The following TMEM178B variants were observed in gnomAD, a reference collection of about 807,000 sequenced individuals.
TMEM178B encodes transmembrane protein 178B.
Under a neutral mutation model 31.0 loss-of-function variants are expected in TMEM178B, and 5 were observed. The observed-to-expected ratio is 0.16, with a 90% CI of 0.08 to 0.34. The LOEUF (loss-of-function observed/expected upper bound fraction) is 0.34, where lower values mean the gene tolerates loss of function less well. TMEM178B is among the 10% of genes least tolerant of loss of function. The pLI, the probability that TMEM178B is intolerant of heterozygous loss-of-function variation, is 1.00. For synonymous variants in TMEM178B, 164 were observed against 164.0 expected (o/e 1.00, Z 0.00); for missense variants, 275 against 400.3 (o/e 0.69, Z 2.67).
At chr7:141,126,342 G>A (rs1795496636) in intron 1 of TMEM178B, among the ~76,000 whole-genome samples, 1 of 152,146 alleles carries the variant, frequency 6.6e-6, no homozygotes, top group Admixed American at 6.5e-5. Context: ...CAGGAGAGGT[G>A]GGCTGGGACT....
intron 1 of TMEM178B, among the ~76,000 whole-genome samples, chr7:141,138,045 G>A (rs1212332113): frequency 6.6e-6 from 1 of 151,504 alleles, no homozygotes; most frequent in Admixed American, 6.6e-5. Flanking sequence ...ATTTTCATGA[G>A]ATCTCTTTTA....
intron 2 of TMEM178B, among the ~76,000 whole-genome samples, chr7:141,246,314 A>G (rs1040247387): frequency 6.6e-6 from 1 of 152,216 alleles, no homozygotes; most frequent in Non-Finnish European, 1.5e-5. Flanking sequence ...TTACAGAGTA[A>G]TGACCCATTT....
intron 1 of TMEM178B, among the ~76,000 whole-genome samples, chr7:141,141,239 A>T (rs1020574311): frequency 6.6e-6 from 1 of 152,002 alleles, no homozygotes; most frequent in Non-Finnish European, 1.5e-5. Flanking sequence ...GGCCTTTGGT[A>T]GCTCTTCCAG....
chr7:141,197,418 T>A (rs1332681462), intron 1 of TMEM178B, among the ~76,000 whole-genome samples: 1 of 152,234 alleles, frequency 6.6e-6, no homozygotes, highest in Non-Finnish European at 1.5e-5. Flanking sequence ...GTGAATAAGT[T>A]GCTCTTCCTT....
At chr7:141,354,001 T>C (rs1202405273) in intron 2 of TMEM178B, among the ~76,000 whole-genome samples, 2 of 152,174 alleles carry the variant, frequency 1.3e-5, no homozygotes, top group Non-Finnish European at 2.9e-5. Flanking sequence ...TAAACAAGAA[T>C]AAACCTACCC....
intron 2 of TMEM178B, among the ~76,000 whole-genome samples, chr7:141,214,163 A>G (rs1797094641): frequency 6.6e-6 from 1 of 152,242 alleles, no homozygotes; most frequent in Admixed American, 6.5e-5. Flanking sequence ...GTATTGGTCT[A>G]ATATAGTCCC....
chr7:141,395,420 G>A (rs1013626315), intron 2 of TMEM178B, among the ~76,000 whole-genome samples: 1 of 152,162 alleles, frequency 6.6e-6, no homozygotes, highest in Non-Finnish European at 1.5e-5. Flanking sequence ...CAGCCCAAGC[G>A]ACATAGGGAG....
At position 141,375,478 on chromosome 7, in the gene TMEM178B, T is replaced by A. The variant is rs546148274; in HGVS notation, c.497-62130T>A. Among the ~76,000 whole-genome samples the A allele has an allele frequency of 4.6e-5, 7 of 152,354 alleles. No homozygotes were observed. The South Asian group carries it at 1.4e-3, about 32-fold the overall frequency. On this transcript the variant is annotated intron_variant, in intron 2 of 3. Transcript: ENST00000565468. ...CAAATATAGTAGAAACCTTTTATGA[T>A]GCTGATTTTAGCAGACAGGACTAAC... is the stretch of plus-strand genomic sequence containing the variant.
the TMEM178B span, among the ~76,000 whole-genome samples, chr7:141,505,370 T>G: frequency 6.6e-6 from 1 of 152,240 alleles, no homozygotes; most frequent in Admixed American, 6.5e-5. Flanking sequence ...CCATTTATTT[T>G]AATTGTAGGT....
chr7:141,114,571 C>G (rs1447420382), intron 1 of TMEM178B, among the ~76,000 whole-genome samples: 1 of 152,238 alleles, frequency 6.6e-6, no homozygotes, highest in Non-Finnish European at 1.5e-5. Flanking sequence ...TGGTAAAATG[C>G]TCTCTCCTTC....
At chr7:141,169,336 G>A (rs927507766) in intron 1 of TMEM178B, among the ~76,000 whole-genome samples, 1 of 152,146 alleles carries the variant, frequency 6.6e-6, no homozygotes, top group African/African-American at 2.4e-5. Context: ...AAGGATGATG[G>A]CCTCCAGCTC....
intron 2 of TMEM178B, among the ~76,000 whole-genome samples, chr7:141,252,697 G>C (rs1259868248): frequency 6.6e-6 from 1 of 152,152 alleles, no homozygotes; most frequent in African/African-American, 2.4e-5. Flanking sequence ...ACAGCTCCTG[G>C]ATCTACATAA....
intron 1 of TMEM178B, among the ~76,000 whole-genome samples, chr7:141,179,604 T>C (rs538058511): frequency 2.6e-5 from 4 of 152,254 alleles, no homozygotes; most frequent in Admixed American, 1.3e-4. Flanking sequence ...TATTTGAAAA[T>C]ATTTAGAATT....
At chr7:141,383,366 C>A (rs1427240317) in intron 2 of TMEM178B, among the ~76,000 whole-genome samples, 1 of 136,448 alleles carries the variant, frequency 7.3e-6, no homozygotes, top group African/African-American at 2.7e-5. Flanking sequence ...TATCCCTCCC[C>A]CCTCCCTCCA....
Position 141,474,500 on chromosome 7 carries a change from C to T in TMEM178B, c.*3714C>T, listed in dbSNP as rs1802321765. ...TTCCAGCTTCAATCCTCCTCCAAGC[C>T]TTAGCTTTTCAACAACCCTACCCTT... On this transcript the variant is annotated 3_prime_UTR_variant, in exon 4 of 4. Transcript: ENST00000565468. 6.6e-6 allele frequency: 1 copy of T among 152,186 alleles called. No individual in the cohort carries two copies. Among genetic ancestry groups the T allele is most frequent in the Admixed American group, 6.5e-5 (1 of 15,280 alleles). The allele number at this position is 152,186 out of a possible 1,614,324, so 9.4% of individuals were successfully genotyped here. A position where few individuals can be genotyped will look rare whatever the true frequency, so the allele number is the denominator to read the frequency against.
chr7:141,373,333 A>G (rs1243026494), intron 2 of TMEM178B, among the ~76,000 whole-genome samples: 2 of 152,280 alleles, frequency 1.3e-5, no homozygotes, highest in African/African-American at 2.4e-5. Context: ...AACAACAACA[A>G]CAGCAAACAA....
At chr7:141,289,573 G>A (rs557457273) in intron 2 of TMEM178B, among the ~76,000 whole-genome samples, 1 of 152,134 alleles carries the variant, frequency 6.6e-6, no homozygotes, top group South Asian at 2.1e-4. Context: ...AAATTAGCTG[G>A]GCATGATGGC....
intron 2 of TMEM178B, among the ~76,000 whole-genome samples, chr7:141,381,813 T>A (rs991630399): frequency 2.0e-5 from 3 of 152,218 alleles, no homozygotes; most frequent in African/African-American, 7.2e-5. Flanking sequence ...TGAGGGGCAC[T>A]GAATGTATTT....
chr7:141,396,410 C>T (rs150484852), intron 2 of TMEM178B, among the ~76,000 whole-genome samples: 18 of 152,356 alleles, frequency 1.2e-4, no homozygotes, highest in African/African-American at 4.3e-4. Context: ...CCCATACTTA[C>T]TCTGCTGTGC....
Sources: gnomAD v4.1 joint callset for allele counts (sites outside exome capture counted in the v4.1 genomes callset) on GRCh38, gnomAD v4.1.1 for gene constraint, MANE v1.5 for transcripts, NCBI Gene and HGNC (gene_info 2026-07-23, HGNC 2026-07-21) for gene names.